MBD5: variants seen among roughly 807,000 people sequenced by gnomAD.
MBD5 encodes methyl-CpG binding domain protein 5, also known as methyl-CpG-binding domain protein 5.
In MBD5, 13 loss-of-function variants were observed where a neutral mutation model predicts 117.3. The observed-to-expected ratio is 0.11, with a 90% confidence interval of 0.07 to 0.18. MBD5 has a LOEUF of 0.18. MBD5 is among the 10% of genes least tolerant of loss of function. MBD5 has a pLI of 1.00. For missense variants in MBD5, 1,879 were observed against 2,093.8 expected (o/e 0.90, Z 2.00); for synonymous variants, 727 against 766.4 (o/e 0.95, Z 0.85).
chr2:148,328,402 A>T (rs1352273238), intron 3 of MBD5, among the ~76,000 whole-genome samples: 2 of 152,144 alleles, frequency 1.3e-5, no homozygotes, highest in Admixed American at 6.5e-5. Flanking sequence ...TTGTTTACCT[A>T]AGCAAGCCTG....
At chr2:148,031,827 A>AT (rs1694048111) in intron 1 of MBD5, among the ~76,000 whole-genome samples, 1 of 152,070 alleles carries the variant, frequency 6.6e-6, no homozygotes, top group Non-Finnish European at 1.5e-5. Flanking sequence ...TCACAAATAA[A>AT]TTTTTTACCC....
rs550075293 is a variant in MBD5 at position 148,098,834 on chromosome 2, T to C, written c.-925+77150T>C. ...GGGAGGTGGAGACTGGAGGATTGCT[T>C]GAACCCAGGAGTTCAAGACAGGCAT... is the stretch of plus-strand genomic sequence containing the variant. On this transcript the variant is annotated intron_variant, in intron 1 of 13. Coordinates refer to ENST00000642680, the MANE Select transcript of MBD5 (RefSeq NM_001378120.1). Among the ~76,000 whole-genome samples, 64 of 152,172 alleles carry C rather than the reference T, an allele frequency of 4.2e-4. 1 individual carries two copies. The highest frequency in any genetic ancestry group is 7.6e-4 in the Non-Finnish European group (52 of 68,006).
At chr2:148,269,668 GTTTT>G (rs11316954) in intron 3 of MBD5, among the ~76,000 whole-genome samples, 1 of 125,854 alleles carries the variant, frequency 7.9e-6, no homozygotes, top group African/African-American at 3.0e-5. Context: ...AGTTTTTTTA[GTTTT>G]TTTTTTTTTT....
intron 3 of MBD5, among the ~76,000 whole-genome samples, chr2:148,313,636 C>T (rs1358534180): frequency 6.6e-6 from 1 of 152,198 alleles, no homozygotes; most frequent in Non-Finnish European, 1.5e-5. Flanking sequence ...AGCCCCCTTT[C>T]CAGGGGAGTG....
At chr2:148,046,433 T>A (rs994817692) in intron 1 of MBD5, among the ~76,000 whole-genome samples, 2 of 152,178 alleles carry the variant, frequency 1.3e-5, no homozygotes, top group African/African-American at 2.4e-5. Flanking sequence ...GCAGTATAAG[T>A]CCCTGAGGTC....
intron 3 of MBD5, among the ~76,000 whole-genome samples, chr2:148,298,771 A>T: frequency 6.6e-6 from 1 of 152,250 alleles, no homozygotes; most frequent in Middle Eastern, 3.2e-3. Flanking sequence ...GCATGTCAGT[A>T]AATTACAGCA....
intron 2 of MBD5, among the ~76,000 whole-genome samples, chr2:148,192,627 CTA>C (rs1281381072): frequency 1.5e-5 from 2 of 131,704 alleles, no homozygotes; most frequent in East Asian, 4.5e-4. Flanking sequence ...TAAGAGCTAT[CTA>C]TGACAAACCC....
At chr2:148,088,159 G>C (rs918051290) in intron 1 of MBD5, among the ~76,000 whole-genome samples, 12 of 151,720 alleles carry the variant, frequency 7.9e-5, no homozygotes, top group African/African-American at 2.9e-4. Flanking sequence ...ATGAGACAAA[G>C]GCAAAGAAAA....
chr2:148,386,180 A>T (rs188082330), intron 4 of MBD5, among the ~76,000 whole-genome samples: 77 of 152,306 alleles, frequency 5.1e-4, no homozygotes, highest in African/African-American at 1.7e-3. Flanking sequence ...TTAAGTTATA[A>T]AATGAACAAA....
rs771035661 is a variant in MBD5 at position 148,485,737 on chromosome 2, T to C, written c.3545-5T>C. 1 of 1,601,020 alleles carries C rather than the reference T, an allele frequency of 6.2e-7. No individual in the cohort carries two copies. Among genetic ancestry groups the C allele is most frequent in the Non-Finnish European group, 8.6e-7 (1 of 1,169,526 alleles). ...TATTTATATTTTATGTTTTTCAAAC[T>C]GTAGGTGATATGTCATCAATAAACA... On this transcript the variant is annotated splice_region_variant and splice_polypyrimidine_tract_variant and intron_variant, in intron 9 of 13. Transcript: ENST00000642680.
chr2:148,212,125 G>T (rs1461563839), intron 2 of MBD5, among the ~76,000 whole-genome samples: 1 of 152,126 alleles, frequency 6.6e-6, no homozygotes, highest in Admixed American at 6.6e-5. Context: ...ATTTTAAATT[G>T]TACAATCCAG....
chr2:148,080,239 G>T (rs779209358), intron 1 of MBD5, among the ~76,000 whole-genome samples: 4 of 152,014 alleles, frequency 2.6e-5, no homozygotes, highest in Non-Finnish European at 2.9e-5. Flanking sequence ...TTGGTACAAT[G>T]GAAGCATTTC....
At position 148,286,611 on chromosome 2, in the gene MBD5, T is replaced by A. The variant is rs572676862; in HGVS notation, c.-680+53216T>A. On this transcript the variant is annotated intron_variant, in intron 3 of 13. Transcript: ENST00000642680. ...GTACCAGAACTATGAATGCTTTGTTTATGAGCATAATTAATTAAGGTTTGC... is the reference window on the plus strand; with the variant it reads ...GTACCAGAACTATGAATGCTTTGTTAATGAGCATAATTAATTAAGGTTTGC... 7.9e-4 allele frequency among the ~76,000 whole-genome samples: 121 copies of A among 152,342 alleles called. 1 individual carries two copies. The highest frequency in any genetic ancestry group is 1.9e-3 in the Admixed American group (29 of 15,310).
chr2:148,418,418 G>T (rs1259326785), intron 4 of MBD5, among the ~76,000 whole-genome samples: 2 of 152,072 alleles, frequency 1.3e-5, no homozygotes, highest in African/African-American at 4.8e-5. Context: ...TGAAAAAGAG[G>T]AAGTTAAACT....
rs1416304352 is a variant in MBD5, at chr2:148,021,501, GCTGCTGCTGCTA to G, written c.-1096_-1085del. 1.8e-6 allele frequency: 1 copy of G among 563,206 alleles called. No individual in the cohort carries two copies. The highest frequency in any genetic ancestry group is 1.5e-5 in the South Asian group (1 of 65,436). The allele number at this position is 563,206 out of a possible 1,614,324, so 34.9% of individuals were successfully genotyped here. On this transcript the variant is annotated 5_prime_UTR_variant, in exon 1 of 14. Coordinates refer to ENST00000642680, the MANE Select transcript of MBD5 (RefSeq NM_001378120.1). ...TGCTGTTGCTGCTGCTGCTGCTACT[GCTGCTGCTGCTA>G]CTGCTGCTGCTTGGCCCTGGCTGGA...
chr2:148,361,911 G>A (rs1703547217), intron 4 of MBD5, among the ~76,000 whole-genome samples: 1 of 152,208 alleles, frequency 6.6e-6, no homozygotes, highest in Non-Finnish European at 1.5e-5. Context: ...CCCTAGCCAA[G>A]GGAAGACAGG....
chr2:148,434,733 T>C (rs191846279), intron 4 of MBD5, among the ~76,000 whole-genome samples: 2 of 152,174 alleles, frequency 1.3e-5, no homozygotes, highest in Non-Finnish European at 2.9e-5. Flanking sequence ...ATATTCGGTG[T>C]TTTGGGGTAG....
intron 8 of MBD5, among the ~76,000 whole-genome samples, chr2:148,475,602 C>A (rs767494355): frequency 4.6e-5 from 7 of 152,062 alleles, no homozygotes; most frequent in Non-Finnish European, 1.0e-4. Flanking sequence ...TCCCAGTGTG[C>A]AAATTGGGAG....
At chr2:148,450,765 G>C (rs1235401480) in intron 4 of MBD5, among the ~76,000 whole-genome samples, 1 of 152,182 alleles carries the variant, frequency 6.6e-6, no homozygotes, top group Non-Finnish European at 1.5e-5. Flanking sequence ...TTCATCTCCT[G>C]ATGGAAGGAA....
Sources: allele counts gnomAD v4.1 joint callset (sites outside exome capture counted in the v4.1 genomes callset), GRCh38; gene constraint gnomAD v4.1.1; transcripts MANE v1.5; gene names NCBI Gene and HGNC (gene_info 2026-07-23, HGNC 2026-07-21).